ROBO1: variants seen among roughly 807,000 people sequenced by gnomAD.
The protein encoded by ROBO1 is roundabout guidance receptor 1.
In ROBO1, 149 loss-of-function variants were observed where a neutral mutation model predicts 195.9. The ratio of observed to expected loss-of-function variants is 0.76; its 90% CI spans 0.67 to 0.87. ROBO1 has a LOEUF of 0.87. ROBO1 is among the 40% of genes least tolerant of loss of function. The pLI, the probability that ROBO1 is intolerant of heterozygous loss-of-function variation, is 0.00. For synonymous variants in ROBO1, 816 were observed against 733.2 expected, an observed-to-expected ratio of 1.11 and a Z score of -1.82; for missense variants, 1,933 against 2,068.3, an observed-to-expected ratio of 0.93 and a Z score of 1.27.
intron 2 of ROBO1, among the ~76,000 whole-genome samples, chr3:79,207,459 T>C (rs1033326974): frequency 3.3e-5 from 5 of 152,254 alleles, no homozygotes; most frequent in Admixed American, 2.0e-4. Context: ...TCGTAATCGA[T>C]TGGACTGGAG....
chr3:79,750,970 G>T (rs1289864219), intron 1 of ROBO1, among the ~76,000 whole-genome samples: 2 of 152,096 alleles, frequency 1.3e-5, no homozygotes, highest in Non-Finnish European at 2.9e-5. Flanking sequence ...ATACTTGGTT[G>T]TTCTAAAATT....
At chr3:78,614,838 T>G (rs1704020367) in intron 27 of ROBO1, 38 bp from the exon 28 acceptor site, 1 of 1,521,572 alleles carries the variant, frequency 6.6e-7, no homozygotes, top group East Asian at 2.3e-5. Context: ...GCCAAACTCA[T>G]CAGTGAATTT....
At position 78,989,094 on chromosome 3, in the gene ROBO1, T is replaced by C. The variant is rs137928762; in HGVS notation, c.173-50167A>G. Reference sequence around the variant, plus strand: ...TAAGTTCTGGCATTCTATACCACTGTAAAGTAAGTTCTAGTGTTCTATACC... The same window carrying C: ...TAAGTTCTGGCATTCTATACCACTGCAAAGTAAGTTCTAGTGTTCTATACC... On this transcript the variant is annotated intron_variant, in intron 3 of 30. Transcript: ENST00000464233. Among the ~76,000 whole-genome samples the C allele has an allele frequency of 5.3e-4, 81 of 152,250 alleles. 1 individual carries two copies. In the East Asian group the frequency reaches 0.015, roughly 28 times the overall value.
intron 1 of ROBO1, among the ~76,000 whole-genome samples, chr3:79,688,907 A>G (rs1310875322): frequency 1.3e-5 from 2 of 152,024 alleles, no homozygotes; most frequent in African/African-American, 4.8e-5. Flanking sequence ...AAACTAACCA[A>G]ATTATCTACA....
At chr3:78,958,172 T>C (rs1415671301) in intron 3 of ROBO1, among the ~76,000 whole-genome samples, 3 of 152,200 alleles carry the variant, frequency 2.0e-5, no homozygotes, top group African/African-American at 7.2e-5. Flanking sequence ...AACGTCTGCT[T>C]TGGAAAAACC....
At chr3:79,268,231 T>C (rs998390612) in intron 2 of ROBO1, among the ~76,000 whole-genome samples, 1 of 151,666 alleles carries the variant, frequency 6.6e-6, no homozygotes, top group African/African-American at 2.4e-5. Flanking sequence ...CATGCTTCTG[T>C]TATTTTGGTG....
chr3:78,927,382 T>C (rs1039107607), intron 4 of ROBO1, among the ~76,000 whole-genome samples: 2 of 152,196 alleles, frequency 1.3e-5, no homozygotes, highest in African/African-American at 4.8e-5. Context: ...CCACAAAGTA[T>C]GAAATATTAC....
chr3:78,898,522 G>T (rs1027757103), intron 4 of ROBO1, among the ~76,000 whole-genome samples: 4 of 150,998 alleles, frequency 2.6e-5, no homozygotes, highest in African/African-American at 9.7e-5. Context: ...CAAGTAGCTG[G>T]GACTACAGGC....
intron 3 of ROBO1, among the ~76,000 whole-genome samples, chr3:79,002,904 T>G (rs1337192247): frequency 6.6e-6 from 1 of 152,034 alleles, no homozygotes; most frequent in Admixed American, 6.6e-5. Context: ...AAGGGCCTCA[T>G]TTTTCTCCAT....
chr3:78,974,412 C>T (rs978258045), intron 3 of ROBO1, among the ~76,000 whole-genome samples: 21 of 152,050 alleles, frequency 1.4e-4, no homozygotes, highest in African/African-American at 4.3e-4. Context: ...CTCATGGTAG[C>T]GGCTGTGGAT....
intron 1 of ROBO1, among the ~76,000 whole-genome samples, chr3:79,665,026 A>G (rs1385417170): frequency 6.6e-6 from 1 of 151,978 alleles, no homozygotes; most frequent in Non-Finnish European, 1.5e-5. Flanking sequence ...TAAGCCACAT[A>G]ACGAGAAATG....
intron 5 of ROBO1, among the ~76,000 whole-genome samples, chr3:78,745,660 T>A (rs886478144): frequency 1.3e-5 from 2 of 152,210 alleles, no homozygotes; most frequent in African/African-American, 4.8e-5. Flanking sequence ...GCACCTCTTA[T>A]GAGCAGAACC....
At chr3:79,175,974 C>T (rs748281020) in intron 2 of ROBO1, among the ~76,000 whole-genome samples, 1 of 152,162 alleles carries the variant, frequency 6.6e-6, no homozygotes, top group Non-Finnish European at 1.5e-5. Context: ...CTTCTACTTT[C>T]CCTTCCTCCA....
At chr3:79,341,090 A>T (rs992425868) in intron 2 of ROBO1, among the ~76,000 whole-genome samples, 7 of 152,224 alleles carry the variant, frequency 4.6e-5, no homozygotes, top group Non-Finnish European at 8.8e-5. Context: ...GGGTAAGTCC[A>T]AGTATTGACG....
intron 4 of ROBO1, among the ~76,000 whole-genome samples, chr3:78,757,184 G>A (rs980411521): frequency 3.3e-5 from 5 of 152,106 alleles, no homozygotes; most frequent in Non-Finnish European, 5.9e-5. Flanking sequence ...GAGCCACTGC[G>A]TGTGGCTGAG....
At chr3:79,614,283 T>C (rs1452722310) in intron 1 of ROBO1, among the ~76,000 whole-genome samples, 1 of 152,030 alleles carries the variant, frequency 6.6e-6, no homozygotes, top group East Asian at 1.9e-4. Context: ...AAGAATGAAA[T>C]GGAGTTTAAA....
At chr3:79,384,561 G>T (rs1217694391) in intron 2 of ROBO1, among the ~76,000 whole-genome samples, 1 of 151,918 alleles carries the variant, frequency 6.6e-6, no homozygotes, top group Non-Finnish European at 1.5e-5. Context: ...ACAGAGAAGT[G>T]TTTTAAAATT....
At chr3:78,716,592 T>C (rs933283131) in intron 7 of ROBO1, among the ~76,000 whole-genome samples, 7 of 152,192 alleles carry the variant, frequency 4.6e-5, no homozygotes, top group African/African-American at 1.7e-4. Flanking sequence ...ATCAGCTTGA[T>C]ATTGTTATTC....
chr3:79,101,241 A>C (rs2079670069), intron 3 of ROBO1, among the ~76,000 whole-genome samples: 1 of 151,814 alleles, frequency 6.6e-6, no homozygotes, highest in Admixed American at 6.6e-5. Context: ...ATGAGTTAAA[A>C]GACAAATTTG....
Sources: allele counts gnomAD v4.1 joint callset (sites outside exome capture counted in the v4.1 genomes callset), GRCh38; gene constraint gnomAD v4.1.1; transcripts MANE v1.5; gene names NCBI Gene and HGNC (gene_info 2026-07-23, HGNC 2026-07-21).